GHR: variants seen among roughly 807,000 people sequenced by gnomAD.
GHR encodes growth hormone receptor.
In GHR, 35 loss-of-function variants were observed where a neutral mutation model predicts 67.1. The ratio of observed to expected loss-of-function variants is 0.52; its 90% CI spans 0.40 to 0.69. GHR has a LOEUF of 0.69. Ranked by LOEUF, GHR falls within the 30% of genes least tolerant of loss-of-function variation. The pLI, the probability that GHR is intolerant of heterozygous loss-of-function variation, is 0.00. For missense variants in GHR, 792 were observed against 764.6 expected, an observed-to-expected ratio of 1.04 and a Z score of -0.42; for synonymous variants, 272 against 269.1, an observed-to-expected ratio of 1.01 and a Z score of -0.10.
intron 1 of GHR, among the ~76,000 whole-genome samples, chr5:42,555,407 C>T (rs375150794): frequency 6.6e-6 from 1 of 152,130 alleles, no homozygotes; most frequent in African/African-American, 2.4e-5. Flanking sequence ...AAATATTACT[C>T]TGTCTTTTTC....
intron 1 of GHR, among the ~76,000 whole-genome samples, chr5:42,531,891 G>A (rs1211087959): frequency 6.6e-6 from 1 of 151,974 alleles, no homozygotes; most frequent in African/African-American, 2.4e-5. Flanking sequence ...AGAACCATCT[G>A]TTAATCATTT....
chr5:42,556,346 G>T (rs772831444), intron 1 of GHR, among the ~76,000 whole-genome samples: 20 of 152,070 alleles, frequency 1.3e-4, no homozygotes, highest in Non-Finnish European at 2.8e-4. Context: ...TTCACTGTAT[G>T]AGAAATTGTC....
At chr5:42,467,384 A>G (rs1417438889) in intron 1 of GHR, 7 of 962,438 alleles carry the variant, frequency 7.3e-6, no homozygotes, top group Non-Finnish European at 1.2e-5. Flanking sequence ...TTACAGGCAG[A>G]GGGCTTCTCC....
At chr5:42,686,025 T>G (rs922102138) in intron 3 of GHR, among the ~76,000 whole-genome samples, 3 of 152,170 alleles carry the variant, frequency 2.0e-5, no homozygotes, top group African/African-American at 7.2e-5. Context: ...TCATGCCTAT[T>G]TCCTGAATGG....
rs1345748280 is a variant in GHR, at chr5:42,680,025, A to G, written c.137-8865A>G. 5.9e-5 allele frequency among the ~76,000 whole-genome samples: 9 copies of G among 152,360 alleles called. No individual in the cohort carries two copies. The East Asian group carries it at 1.7e-3, about 29-fold the overall frequency. ...TTCTGTAACATCGCCTTAACCAAAT[A>G]TAAAGGCTAAATACAAAGGTGTTTT... is the stretch of plus-strand genomic sequence containing the variant. On this transcript the variant is annotated intron_variant, in intron 3 of 9. Coordinates refer to ENST00000230882, the MANE Select transcript of GHR (RefSeq NM_000163.5).
intron 2 of GHR, among the ~76,000 whole-genome samples, chr5:42,567,816 C>G (rs901210814): frequency 1.1e-4 from 15 of 139,398 alleles, no homozygotes; most frequent in Non-Finnish European, 4.7e-5. Context: ...TGTGTGTGTT[C>G]TAGTTCTGGC....
At chr5:42,635,490 G>C (rs947312008) in intron 3 of GHR, among the ~76,000 whole-genome samples, 4 of 152,286 alleles carry the variant, frequency 2.6e-5, no homozygotes, top group African/African-American at 9.6e-5. Flanking sequence ...TAAAACAACA[G>C]TCTTTACTTA....
At chr5:42,444,770 CT>C (rs1743735410) in intron 1 of GHR, among the ~76,000 whole-genome samples, 1 of 152,122 alleles carries the variant, frequency 6.6e-6, no homozygotes, top group South Asian at 2.1e-4. Flanking sequence ...TTCTCTCATT[CT>C]TCTTGTCTTT....
Position 42,459,203 on chromosome 5 carries a change from T to A in GHR, c.-12+35248T>A, listed in dbSNP as rs1744384421. The stretch of plus-strand genomic sequence containing the variant: ...TCGTTTTACCATAAAGACACATGCA[T>A]ATGTATTTTCACTGTGGCACTATAA... On this transcript the variant is annotated intron_variant, in intron 1 of 9. Coordinates refer to ENST00000230882, the MANE Select transcript of GHR (RefSeq NM_000163.5). Among the ~76,000 whole-genome samples the A allele has an allele frequency of 2.6e-5, 4 of 152,274 alleles. No individual in the cohort carries two copies. The East Asian group carries it at 5.8e-4, about 22-fold the overall frequency.
intron 1 of GHR, among the ~76,000 whole-genome samples, chr5:42,563,649 A>AT: frequency 6.7e-6 from 1 of 149,742 alleles, no homozygotes; most frequent in African/African-American, 2.5e-5. Flanking sequence ...AAAAAAAAAA[A>AT]ATACAAAAAT....
At chr5:42,565,744 G>T in intron 1 of GHR, 120 bp from the exon 2 acceptor site, 1 of 1,584,598 alleles carries the variant, frequency 6.3e-7, no homozygotes, top group Non-Finnish European at 8.6e-7. Flanking sequence ...GACTTACCAG[G>T]ATTCCTTCTG....
chr5:42,549,276 GACATTCTCCC>G (rs1477916881), intron 1 of GHR, among the ~76,000 whole-genome samples: 1 of 152,170 alleles, frequency 6.6e-6, no homozygotes, highest in Non-Finnish European at 1.5e-5. Flanking sequence ...TCAACAGAAG[GACATTCTCCC>G]ACCTCTTCCA....
Position 42,465,624 on chromosome 5 carries a change from C to A in GHR, c.-12+41669C>A, listed in dbSNP as rs1054719486. 9.2e-6 allele frequency: 9 copies of A among 982,496 alleles called. No homozygotes were observed. The Admixed American group carries it at 1.5e-4, about 17-fold the overall frequency. The allele number at this position is 982,496 out of a possible 1,614,324, so 60.9% of individuals were successfully genotyped here. On this transcript the variant is annotated intron_variant, in intron 1 of 9. Transcript: ENST00000230882. Reference sequence around the variant, plus strand: ...ATGTATTTGGGGGACTCTGTTAATTCATCTTTGACAATTCCCCAGTTGTGA... The same window carrying A: ...ATGTATTTGGGGGACTCTGTTAATTAATCTTTGACAATTCCCCAGTTGTGA...
intron 3 of GHR, among the ~76,000 whole-genome samples, chr5:42,653,180 A>G (rs1490495607): frequency 1.3e-5 from 2 of 152,140 alleles, no homozygotes; most frequent in Non-Finnish European, 2.9e-5. Flanking sequence ...TATGTGGATA[A>G]TAGTAGCAGA....
At chr5:42,463,502 T>C (rs1744575712) in intron 1 of GHR, among the ~76,000 whole-genome samples, 2 of 152,154 alleles carry the variant, frequency 1.3e-5, no homozygotes. Context: ...TGTACTAAAA[T>C]TTGCGTGCAG....
chr5:42,534,072 A>T lies in GHR; in HGVS notation c.-11-31792A>T, dbSNP rs938780571. On this transcript the variant is annotated intron_variant, in intron 1 of 9. Transcript: ENST00000230882. ...TATATGTATGTATATATATGTACGT[A>T]TGTATATATGTATATATGTAAGTAT... Among the ~76,000 whole-genome samples, 3 of 149,850 alleles carry T rather than the reference A, an allele frequency of 2.0e-5. No individual in the cohort carries two copies. In the East Asian group the frequency reaches 5.8e-4, roughly 29 times the overall value.
chr5:42,463,883 C>A (rs1299327131), intron 1 of GHR, among the ~76,000 whole-genome samples: 3 of 145,396 alleles, frequency 2.1e-5, no homozygotes, highest in Middle Eastern at 3.6e-3. Context: ...GTCCCAGCTA[C>A]TTGGGAGGCT....
intron 1 of GHR, among the ~76,000 whole-genome samples, chr5:42,529,803 G>A (rs1747876503): frequency 6.6e-6 from 1 of 151,980 alleles, no homozygotes; most frequent in African/African-American, 2.4e-5. Context: ...TGAAAATAGA[G>A]GATATATAAT....
At chr5:42,475,220 T>G (rs1745250149) in intron 1 of GHR, among the ~76,000 whole-genome samples, 1 of 152,116 alleles carries the variant, frequency 6.6e-6, no homozygotes, top group Non-Finnish European at 1.5e-5. Flanking sequence ...AATTTAAGTC[T>G]TTCTGTGGGT....
Sources: gnomAD v4.1 joint callset for allele counts (sites outside exome capture counted in the v4.1 genomes callset) on GRCh38, gnomAD v4.1.1 for gene constraint, MANE v1.5 for transcripts, NCBI Gene and HGNC (gene_info 2026-07-23, HGNC 2026-07-21) for gene names.